The following SHTN1 variants were observed in gnomAD, a reference collection of about 807,000 sequenced individuals.
SHTN1 encodes shootin-1.
In SHTN1, 42 loss-of-function variants were observed where a neutral mutation model predicts 83.1. The observed-to-expected ratio is 0.51, with a 90% CI of 0.39 to 0.65. The LOEUF (loss-of-function observed/expected upper bound fraction) is 0.65. Ranked by LOEUF, SHTN1 falls within the 30% of genes least tolerant of loss-of-function variation. The probability of loss-of-function intolerance (pLI) is 0.00; values close to 1 mark genes in which losing one functional copy is unlikely to be tolerated. For missense variants in SHTN1, 622 were observed against 737.8 expected, an observed-to-expected ratio of 0.84 and a Z score of 1.82; for synonymous variants, 224 against 247.7, an observed-to-expected ratio of 0.90 and a Z score of 0.90.
chr10:116,946,947 C>T (rs1347739980), intron 7 of SHTN1, among the ~76,000 whole-genome samples: 4 of 151,898 alleles, frequency 2.6e-5, no homozygotes, highest in African/African-American at 7.3e-5. Flanking sequence ...TCTCAAACTC[C>T]TGATCTCAAG....
At chr10:117,003,809 A>G (rs1203826073) in intron 1 of SHTN1, among the ~76,000 whole-genome samples, 2 of 152,236 alleles carry the variant, frequency 1.3e-5, no homozygotes, top group African/African-American at 4.8e-5. Context: ...CTTGTCAGCA[A>G]GACATTCAGA....
At chr10:116,973,881 T>C in intron 2 of SHTN1, 2 of 1,286,296 alleles carry the variant, frequency 1.6e-6, no homozygotes, top group Middle Eastern at 2.1e-4. Context: ...TGGCATACAA[T>C]GAAAGGACCA....
At chr10:116,972,723 C>T (rs1850660501) in intron 2 of SHTN1, among the ~76,000 whole-genome samples, 1 of 152,194 alleles carries the variant, frequency 6.6e-6, no homozygotes, top group South Asian at 2.1e-4. Flanking sequence ...TGTTCTTGGG[C>T]CTACATCACT....
At chr10:116,921,329 C>T in intron 12 of SHTN1, 105 bp downstream of exon 12, 1 of 752,692 alleles carries the variant, frequency 1.3e-6, no homozygotes, top group Non-Finnish European at 2.2e-6. Flanking sequence ...GTGCTTCATA[C>T]TACTCTCCCA....
At chr10:117,066,580 C>T (rs1346370733) in intron 1 of SHTN1, among the ~76,000 whole-genome samples, 1 of 152,166 alleles carries the variant, frequency 6.6e-6, no homozygotes, top group African/African-American at 2.4e-5. Context: ...ATAGTTACTA[C>T]AAAAGCCCTA....
chr10:116,988,531 T>C lies in SHTN1; in HGVS notation c.59-9223A>G, dbSNP rs372319801. Among the ~76,000 whole-genome samples the C allele has an allele frequency of 1.7e-4, 26 of 148,912 alleles. No individual in the cohort carries two copies. In the East Asian group the frequency reaches 3.7e-3, roughly 21 times the overall value. Reference sequence around the variant, plus strand: ...TTTATATTTTATCTTATTTTACTTATATATTATTTATTTATTTATTTATTT... The same window carrying C: ...TTTATATTTTATCTTATTTTACTTACATATTATTTATTTATTTATTTATTT... On this transcript the variant is annotated intron_variant, in intron 1 of 16. Coordinates refer to ENST00000355371, the MANE Select transcript of SHTN1 (RefSeq NM_001127211.3).
At chr10:117,032,354 C>T (rs183768530) in intron 2 of SHTN1, among the ~76,000 whole-genome samples, 2 of 152,200 alleles carry the variant, frequency 1.3e-5, no homozygotes, top group African/African-American at 4.8e-5. Flanking sequence ...CAGGCACCTA[C>T]CACCGTGCCC....
rs552530725 is a variant in SHTN1, at chr10:117,083,441, C to T, written c.-188-34931G>A. Among the ~76,000 whole-genome samples the T allele has an allele frequency of 1.6e-3, 237 of 150,954 alleles. 3 individuals carry two copies. The South Asian group carries it at 0.025, about 16-fold the overall frequency. ...GATGGGCTTCCCTTTGAGGGTAACC[C>T]GACCTTTCTCTCTGGCTGCCCTTAA... is the stretch of plus-strand genomic sequence containing the variant. On this transcript the variant is annotated intron_variant, in intron 1 of 17. Transcript: ENST00000392901.
chr10:117,082,455 A>C (rs1385781610), intron 1 of SHTN1, among the ~76,000 whole-genome samples: 1 of 150,650 alleles, frequency 6.6e-6, no homozygotes, highest in Non-Finnish European at 1.5e-5. Context: ...TTTACTTCCA[A>C]GTATGTGGTC....
At chr10:116,990,375 T>C (rs1851385707) in intron 1 of SHTN1, among the ~76,000 whole-genome samples, 1 of 150,254 alleles carries the variant, frequency 6.7e-6, no homozygotes, top group Admixed American at 6.7e-5. Flanking sequence ...TTTTGAGAGC[T>C]TGGCTTTTGC....
intron 2 of SHTN1, among the ~76,000 whole-genome samples, chr10:117,012,138 C>CAA (rs745832549): frequency 2.0e-4 from 13 of 65,382 alleles, no homozygotes; most frequent in South Asian, 4.5e-4. Flanking sequence ...GACTCCATCT[C>CAA]AAAAAAAAAA....
intron 1 of SHTN1, among the ~76,000 whole-genome samples, chr10:117,051,711 CT>C (rs2133588644): frequency 6.6e-6 from 1 of 151,336 alleles, no homozygotes; most frequent in Non-Finnish European, 1.5e-5. Flanking sequence ...ACCCAACACC[CT>C]TTCATGATAA....
At chr10:116,913,201 C>T (rs1848268627) in intron 13 of SHTN1, among the ~76,000 whole-genome samples, 1 of 152,218 alleles carries the variant, frequency 6.6e-6, no homozygotes. Flanking sequence ...TTAGGCATAC[C>T]CAAAAGTGCT....
intron 1 of SHTN1, among the ~76,000 whole-genome samples, chr10:117,056,273 G>C (rs1207723919): frequency 6.6e-6 from 1 of 152,046 alleles, no homozygotes; most frequent in African/African-American, 2.4e-5. Context: ...GAAAATTACA[G>C]ATCAATATTT....
chr10:117,032,253 G>C (rs1219535318), intron 2 of SHTN1, among the ~76,000 whole-genome samples: 2 of 152,030 alleles, frequency 1.3e-5, no homozygotes, highest in Non-Finnish European at 2.9e-5. Flanking sequence ...GCCCAGGCTG[G>C]AGTGCAGTGG....
chr10:116,924,746 ATTTTTTTTTTTTTTT>A (rs201343735), intron 11 of SHTN1, among the ~76,000 whole-genome samples: 18 of 89,522 alleles, frequency 2.0e-4, no homozygotes, highest in Admixed American at 5.3e-4. Context: ...ATTTTCACCT[ATTTTTTTTTTTTTTT>A]TTTTTTTTTT....
rs531925481 is a variant in SHTN1 at position 116,963,785 on chromosome 10, C to A, written c.173-3555G>T. Among the ~76,000 whole-genome samples the A allele has an allele frequency of 7.4e-4, 112 of 152,216 alleles. 2 individuals carry two copies. The South Asian group carries it at 0.022, about 30-fold the overall frequency. On this transcript the variant is annotated intron_variant, in intron 3 of 16. Coordinates refer to ENST00000355371, the MANE Select transcript of SHTN1 (RefSeq NM_001127211.3). ...TTAAATTATTTTCCCGCCTTTGCAT[C>A]ACTTTGAAATTTTTCATAGTAAAAA... is the stretch of plus-strand genomic sequence containing the variant.
chr10:116,990,283 C>CTTTTTTTTT (rs1462733730), intron 1 of SHTN1, among the ~76,000 whole-genome samples: 1 of 56,324 alleles, frequency 1.8e-5, no homozygotes, highest in African/African-American at 6.7e-5. Flanking sequence ...TTTCTTTTTT[C>CTTTTTTTTT]TTTCTTTTTT....
At chr10:117,027,474 T>TA (rs1329530002) in intron 2 of SHTN1, among the ~76,000 whole-genome samples, 7 of 149,648 alleles carry the variant, frequency 4.7e-5, no homozygotes, top group African/African-American at 1.7e-4. Context: ...CCTTTTTTTT[T>TA]AAATAAATTA....
Sources: allele counts gnomAD v4.1 joint callset (sites outside exome capture counted in the v4.1 genomes callset), GRCh38; gene constraint gnomAD v4.1.1; transcripts MANE v1.5; gene names NCBI Gene and HGNC (gene_info 2026-07-23, HGNC 2026-07-21).